Variants in GALNT17 observed in about 807,000 individuals in gnomAD.
GALNT17 encodes polypeptide N-acetylgalactosaminyltransferase 17, also known as UDP-GalNAc:polypeptide N-acetylgalactosaminyltransferase-like 3.
Under a neutral mutation model 63.7 loss-of-function variants are expected in GALNT17, and 29 were observed. That is an observed-to-expected ratio of 0.46 (90% CI 0.34 to 0.62). The LOEUF (loss-of-function observed/expected upper bound fraction) is 0.62, where lower values mean the gene tolerates loss of function less well. Ranked by LOEUF, GALNT17 falls within the 20% of genes least tolerant of loss-of-function variation. The probability of loss-of-function intolerance (pLI) is 0.01; values close to 1 mark genes in which losing one functional copy is unlikely to be tolerated. For synonymous variants in GALNT17, 305 were observed against 318.3 expected (o/e 0.96, Z 0.45); for missense variants, 603 against 799.6 (o/e 0.75, Z 2.97).
intron 1 of GALNT17, among the ~76,000 whole-genome samples, chr7:71,321,627 A>G (rs1377143092): frequency 1.5e-5 from 1 of 66,938 alleles, no homozygotes; most frequent in Non-Finnish European, 2.7e-5. Context: ...CCTTTTTTTG[A>G]GACTGAGTCT....
intron 1 of GALNT17, among the ~76,000 whole-genome samples, chr7:71,276,132 TC>T: frequency 6.6e-6 from 1 of 152,292 alleles, no homozygotes; most frequent in East Asian, 1.9e-4. Flanking sequence ...CTGCGGCCTC[TC>T]CGGCACCTGA....
At chr7:71,486,875 A>C (rs1158217654) in intron 5 of GALNT17, among the ~76,000 whole-genome samples, 1 of 150,136 alleles carries the variant, frequency 6.7e-6, no homozygotes, top group African/African-American at 2.4e-5. Context: ...AAAAAAAAAC[A>C]AAAAAAAACG....
At position 71,183,164 on chromosome 7, in the gene GALNT17, CT is replaced by C. The variant is rs760818370; in HGVS notation, c.238+50133del. On this transcript the variant is annotated intron_variant, in intron 1 of 10. Coordinates refer to ENST00000333538, the MANE Select transcript of GALNT17 (RefSeq NM_022479.3). The stretch of plus-strand genomic sequence containing the variant: ...CCAGAGATGAGAGTGACCCGGTTGC[CT>C]TTTTTTTTCTTAAGTAATCGAGCCT... 3.0e-4 allele frequency among the ~76,000 whole-genome samples: 46 copies of C among 151,458 alleles called. No individual in the cohort carries two copies. In the East Asian group the frequency reaches 5.2e-3, roughly 17 times the overall value.
At chr7:71,596,444 G>A (rs915444888) in intron 6 of GALNT17, among the ~76,000 whole-genome samples, 1 of 152,032 alleles carries the variant, frequency 6.6e-6, no homozygotes, top group Admixed American at 6.6e-5. Context: ...AAGGATTATC[G>A]ATAAACAGTG....
chr7:71,159,703 G>A (rs978350469), intron 1 of GALNT17, among the ~76,000 whole-genome samples: 1 of 148,968 alleles, frequency 6.7e-6, no homozygotes, highest in Non-Finnish European at 1.5e-5. Flanking sequence ...ACATGCCTGG[G>A]GCATCTGCTG....
At chr7:71,670,327 A>G (rs1476571166) in intron 8 of GALNT17, among the ~76,000 whole-genome samples, 1 of 152,170 alleles carries the variant, frequency 6.6e-6, no homozygotes, top group African/African-American at 2.4e-5. Flanking sequence ...ATGATAGTCT[A>G]CTTTGCCTGA....
chr7:71,654,997 C>A (rs1248630156), intron 6 of GALNT17, among the ~76,000 whole-genome samples: 1 of 152,062 alleles, frequency 6.6e-6, no homozygotes, highest in Non-Finnish European at 1.5e-5. Flanking sequence ...ACTATGTTGG[C>A]CAGGCTGGTC....
intron 5 of GALNT17, among the ~76,000 whole-genome samples, chr7:71,497,086 T>A (rs562483614): frequency 5.3e-5 from 8 of 152,010 alleles, no homozygotes; most frequent in African/African-American, 1.9e-4. Context: ...AAGAAGAAAA[T>A]GATCTGAAAG....
chr7:71,589,357 C>T (rs995163393), intron 6 of GALNT17, among the ~76,000 whole-genome samples: 4 of 152,078 alleles, frequency 2.6e-5, no homozygotes, highest in Admixed American at 2.6e-4. Context: ...ACAGGAGAAT[C>T]ACTTGAGCCC....
intron 1 of GALNT17, among the ~76,000 whole-genome samples, chr7:71,241,357 C>T (rs1300630205): frequency 6.6e-6 from 1 of 152,160 alleles, no homozygotes; most frequent in Non-Finnish European, 1.5e-5. Flanking sequence ...CCACTTCACC[C>T]TCCCTAGAGA....
chr7:71,195,554 A>AT (rs1164248580), intron 1 of GALNT17, among the ~76,000 whole-genome samples: 1 of 151,344 alleles, frequency 6.6e-6, no homozygotes, highest in African/African-American at 2.4e-5. Flanking sequence ...TAATATTTTA[A>AT]TTTTTTTTGT....
intron 1 of GALNT17, chr7:71,300,216 C>T (rs1583841798): frequency 7.0e-6 from 2 of 286,808 alleles, no homozygotes; most frequent in South Asian, 2.9e-5. Flanking sequence ...TTTGATGACA[C>T]CCTTGGGAGT....
At chr7:71,177,156 A>G (rs1788654220) in intron 1 of GALNT17, among the ~76,000 whole-genome samples, 1 of 152,080 alleles carries the variant, frequency 6.6e-6, no homozygotes, top group Non-Finnish European at 1.5e-5. Flanking sequence ...TACTGTCCTC[A>G]TATGTTCGAG....
intron 5 of GALNT17, among the ~76,000 whole-genome samples, chr7:71,536,374 G>A (rs908771774): frequency 6.6e-6 from 1 of 152,178 alleles, no homozygotes; most frequent in African/African-American, 2.4e-5. Flanking sequence ...AGGAAGACAG[G>A]TCTTCAGCTT....
chr7:71,532,813 G>A (rs1009715384), intron 5 of GALNT17, among the ~76,000 whole-genome samples: 1 of 152,176 alleles, frequency 6.6e-6, no homozygotes, highest in Non-Finnish European at 1.5e-5. Context: ...TGCTAGAGGA[G>A]TTATCTCTTG....
intron 1 of GALNT17, among the ~76,000 whole-genome samples, chr7:71,272,017 C>T (rs534651010): frequency 6.6e-6 from 1 of 152,312 alleles, no homozygotes; most frequent in South Asian, 2.1e-4. Context: ...CCTCGGCCTC[C>T]CAAAGTGTTG....
chr7:71,517,563 A>G (rs910178211), intron 5 of GALNT17, among the ~76,000 whole-genome samples: 8 of 152,196 alleles, frequency 5.3e-5, no homozygotes, highest in African/African-American at 1.9e-4. Context: ...TCTAGCCAGC[A>G]TTTTTTAAAT....
intron 1 of GALNT17, among the ~76,000 whole-genome samples, chr7:71,170,862 A>G (rs990339931): frequency 1.3e-5 from 2 of 152,330 alleles, no homozygotes; most frequent in South Asian, 2.1e-4. Flanking sequence ...AGTTGATTAA[A>G]CAAATGCCAT....
chr7:71,579,781 G>A (rs951739288), intron 6 of GALNT17, among the ~76,000 whole-genome samples: 2 of 152,146 alleles, frequency 1.3e-5, no homozygotes, highest in Non-Finnish European at 2.9e-5. Context: ...GGATTGATAA[G>A]CAGAAAGTTG....
Sources: gnomAD v4.1 joint callset for allele counts (sites outside exome capture counted in the v4.1 genomes callset) on GRCh38, gnomAD v4.1.1 for gene constraint, MANE v1.5 for transcripts, NCBI Gene and HGNC (gene_info 2026-07-23, HGNC 2026-07-21) for gene names.